The following RAF1 variants were observed in gnomAD, a reference collection of about 807,000 sequenced individuals.
The protein encoded by RAF1 is Raf-1 proto-oncogene, serine/threonine kinase, also known as RAF proto-oncogene serine/threonine-protein kinase.
In RAF1, 27 loss-of-function variants were observed where a neutral mutation model predicts 81.1. The observed-to-expected ratio is 0.33, with a 90% confidence interval of 0.25 to 0.46. The LOEUF is 0.46. Among genes scored for constraint, RAF1 ranks in the 20% least tolerant of loss-of-function variants. The pLI is 1.00. For synonymous variants in RAF1, 298 were observed against 294.0 expected (o/e 1.01, Z -0.14); for missense variants, 598 against 826.0 (o/e 0.72, Z 3.38).
At chr3:12,649,531 T>C (rs1274061604) in intron 1 of RAF1, among the ~76,000 whole-genome samples, 2 of 151,644 alleles carry the variant, frequency 1.3e-5, no homozygotes, top group Admixed American at 6.6e-5. Context: ...CACAGGAGTT[T>C]GAGGCTGCAG....
chr3:12,589,178 C>A, intron 13 of RAF1: 1 of 152,440 alleles, frequency 6.6e-6, no homozygotes, highest in South Asian at 2.0e-4. Flanking sequence ...TAGAGCAACC[C>A]AAACAGACTA....
chr3:12,605,820 C>T (rs994181323), intron 6 of RAF1, among the ~76,000 whole-genome samples: 15 of 152,334 alleles, frequency 9.8e-5, no homozygotes, highest in African/African-American at 3.4e-4. Flanking sequence ...TCGGCCACAA[C>T]ATGCATTTCA....
chr3:12,588,490 G>A (rs1266701692), intron 13 of RAF1: 1 of 152,162 alleles, frequency 6.6e-6, no homozygotes, highest in African/African-American at 2.4e-5. Context: ...CTACAAAACT[G>A]TATGGCCCTC....
At chr3:12,654,506 G>C (rs983125496) in intron 1 of RAF1, among the ~76,000 whole-genome samples, 1 of 151,694 alleles carries the variant, frequency 6.6e-6, no homozygotes, top group African/African-American at 2.4e-5. Context: ...GCAGGTTCAG[G>C]AGGGAAGATG....
In RAF1 at chr3:12,659,885, T is replaced by C. The variant is rs140046627; in HGVS notation, c.-27+3928A>G. Among the ~76,000 whole-genome samples, 15 of 152,286 alleles carry C rather than the reference T, an allele frequency of 9.8e-5. No homozygotes were observed. In the East Asian group the frequency reaches 2.9e-3, roughly 29 times the overall value. On this transcript the variant is annotated intron_variant, in intron 1 of 17. Coordinates refer to ENST00000442415, the MANE Select transcript of RAF1 (RefSeq NM_001354689.3). The stretch of plus-strand genomic sequence containing the variant: ...TGTATGGCCTATTATGATCCTAACA[T>C]GCAAACAAAAGTACTCCCTCATGTA...
At chr3:12,611,625 G>A (rs1287529704) in intron 3 of RAF1, among the ~76,000 whole-genome samples, 4 of 152,116 alleles carry the variant, frequency 2.6e-5, no homozygotes, top group East Asian at 1.9e-4. Context: ...GCGTGAACCC[G>A]GGAGGCGGAG....
intron 1 of RAF1, among the ~76,000 whole-genome samples, chr3:12,643,213 A>T (rs577158098): frequency 6.6e-6 from 1 of 152,314 alleles, no homozygotes; most frequent in South Asian, 2.1e-4. Flanking sequence ...CAGAACTCAC[A>T]AACATTCTGC....
intron 4 of RAF1, 87 bp downstream of exon 4, chr3:12,609,146 A>ATG: frequency 9.2e-7 from 1 of 1,091,032 alleles, no homozygotes; most frequent in African/African-American, 1.5e-5. Context: ...CTATATATAT[A>ATG]TATACATACG....
intron 5 of RAF1, chr3:12,608,358 G>C (rs2055311): frequency 0.59 from 97,385 of 166,124 alleles, 29,954 homozygotes; most frequent in African/African-American, 0.72. Flanking sequence ...TAGCATCAAC[G>C]GTGCTTTCTG....
chr3:12,585,842 G>GT lies in RAF1; in HGVS notation c.1478-44dup. On this transcript the variant is annotated intron_variant, in intron 14 of 17. Coordinates refer to ENST00000442415, the MANE Select transcript of RAF1 (RefSeq NM_001354689.3). ...ACTCTGGTTTCAAAAGAATGGTCAG[G>GT]TTAATTTTGAAAAATATCCCAAAGT... 2.1e-6 allele frequency: 3 copies of GT among 1,425,182 alleles called. No homozygotes were observed. In the South Asian group the frequency reaches 3.4e-5, roughly 16 times the overall value. The allele number at this position is 1,425,182 out of a possible 1,614,324, so 88.3% of individuals were successfully genotyped here.
intron 2 of RAF1, among the ~76,000 whole-genome samples, chr3:12,615,827 G>A (rs902843560): frequency 3.9e-5 from 6 of 152,076 alleles, no homozygotes; most frequent in South Asian, 2.1e-4. Flanking sequence ...CGAGGCAGGC[G>A]GATCAGAAGG....
intron 1 of RAF1, among the ~76,000 whole-genome samples, chr3:12,624,632 A>G (rs2059644982): frequency 1.3e-5 from 2 of 152,252 alleles, no homozygotes; most frequent in Admixed American, 6.5e-5. Context: ...AGTTCCACAG[A>G]TAAGTTCTAA....
chr3:12,655,036 T>G (rs2060647087), intron 1 of RAF1, among the ~76,000 whole-genome samples: 1 of 136,736 alleles, frequency 7.3e-6, no homozygotes, highest in African/African-American at 2.7e-5. Context: ...GTAAAAATAA[T>G]AATTTTTTAA....
At chr3:12,588,958 A>G (rs1195024576) in intron 13 of RAF1, 2 of 152,584 alleles carry the variant, frequency 1.3e-5, no homozygotes, top group Non-Finnish European at 2.9e-5. Flanking sequence ...CTGGTTATTA[A>G]AGAGTCTGGG....
chr3:12,651,853 T>C (rs1268095865), intron 1 of RAF1, among the ~76,000 whole-genome samples: 1 of 147,378 alleles, frequency 6.8e-6, no homozygotes, highest in East Asian at 2.1e-4. Flanking sequence ...CTACTAAAAA[T>C]ACAAAATTAG....
intron 1 of RAF1, among the ~76,000 whole-genome samples, chr3:12,650,749 T>C (rs972843419): frequency 2.0e-5 from 3 of 152,198 alleles, no homozygotes; most frequent in Admixed American, 1.3e-4. Flanking sequence ...AAATTGAATA[T>C]GTGCTAGGCA....
chr3:12,650,456 A>G (rs959417393), intron 1 of RAF1, among the ~76,000 whole-genome samples: 2 of 152,240 alleles, frequency 1.3e-5, no homozygotes, highest in Non-Finnish European at 2.9e-5. Flanking sequence ...TATCTGCTGA[A>G]TATCAATGGA....
intron 1 of RAF1, among the ~76,000 whole-genome samples, chr3:12,657,888 A>G (rs200979401): frequency 1.7e-4 from 1 of 5,904 alleles, no homozygotes; most frequent in Non-Finnish European, 2.5e-4. Flanking sequence ...AAAACAAAAC[A>G]AAAAAAAACC....
At chr3:12,593,811 T>C (rs2058603651) in intron 11 of RAF1, among the ~76,000 whole-genome samples, 1 of 148,962 alleles carries the variant, frequency 6.7e-6, no homozygotes, top group African/African-American at 2.5e-5. Flanking sequence ...TTTTTCTTTT[T>C]TAGAGATGGG....
Sources: gnomAD v4.1 joint callset for allele counts (sites outside exome capture counted in the v4.1 genomes callset) on GRCh38, gnomAD v4.1.1 for gene constraint, MANE v1.5 for transcripts, NCBI Gene and HGNC (gene_info 2026-07-23, HGNC 2026-07-21) for gene names.